The following ZFYVE26 variants were observed in gnomAD, a reference collection of about 807,000 sequenced individuals.
ZFYVE26 encodes the protein zinc finger FYVE-type containing 26.
A neutral mutation model predicts 276.5 loss-of-function variants in ZFYVE26; 181 were observed. That is an observed-to-expected ratio of 0.65 (90% CI 0.58 to 0.74). The LOEUF (loss-of-function observed/expected upper bound fraction) is 0.74, where lower values mean the gene tolerates loss of function less well. Ranked by LOEUF, ZFYVE26 falls within the 30% of genes least tolerant of loss-of-function variation. The pLI is 0.00. For missense variants in ZFYVE26, 2,821 were observed against 3,097.9 expected, an observed-to-expected ratio of 0.91 and a Z score of 2.12; for synonymous variants, 1,129 against 1,203.1, an observed-to-expected ratio of 0.94 and a Z score of 1.27.
rs1395423777 is a variant in ZFYVE26 at position 67,752,371 on chromosome 14, C to T, written c.7344G>A (p.Leu2448=). The part of the protein sequence containing the change: ...SDGDTILLNC[L]EAFKRIPPQE... ...GGGGCGGAATTCTCTTGAACGCTTC[C>T]AGGCAGTTGAGGAGGATGGTGTCCC... is the stretch of plus-strand genomic sequence containing the variant. Residue 2448 remains leucine (L), a synonymous_variant, in exon 40 of 42, where the codon CTG becomes CTA. Coordinates refer to ENST00000347230, the MANE Select transcript of ZFYVE26 (RefSeq NM_015346.4). 2 of 1,612,156 alleles carry T rather than the reference C, an allele frequency of 1.2e-6. No individual in the cohort carries two copies. The highest frequency in any genetic ancestry group is 1.7e-6 in the Non-Finnish European group (2 of 1,179,220).
intron 27 of ZFYVE26, among the ~76,000 whole-genome samples, chr14:67,773,134 T>C (rs534041630): frequency 1.5e-3 from 236 of 152,326 alleles, no homozygotes; most frequent in African/African-American, 5.5e-3. Context: ...ATTATGAATT[T>C]GTTTCTAGAT....
intron 3 of ZFYVE26, among the ~76,000 whole-genome samples, chr14:67,809,557 G>A (rs1355131329): frequency 1.3e-5 from 2 of 151,184 alleles, no homozygotes. Context: ...CGAGTAGCTG[G>A]GATTACAGGT....
chr14:67,731,868 T>C (rs1264950589), intron 13 of ZFYVE26, among the ~76,000 whole-genome samples: 1 of 152,026 alleles, frequency 6.6e-6, no homozygotes, highest in Non-Finnish European at 1.5e-5. Flanking sequence ...GGCTCATGCA[T>C]GTAATCCCAG....
chr14:67,754,907 G>A, intron 37 of ZFYVE26, 144 bp downstream of exon 37: 1 of 944,750 alleles, frequency 1.1e-6, no homozygotes, highest in Non-Finnish European at 1.7e-6. Context: ...TTCTAGGCTT[G>A]TACTACACAC....
chr14:67,795,982 T>C (rs190277427), intron 12 of ZFYVE26, among the ~76,000 whole-genome samples: 151 of 152,212 alleles, frequency 9.9e-4, no homozygotes, highest in African/African-American at 3.5e-3. Context: ...ATTAAATATA[T>C]TGGTGAAGGT....
At position 67,767,758 on chromosome 14, in the gene ZFYVE26, C is replaced by G. The variant is rs760296660; in HGVS notation, c.5736G>C (p.Leu1912Phe). Residue 1912 changes from leucine to phenylalanine, a missense_variant, in exon 31 of 42, where the codon TTG becomes TTC. Leu to Phe is a conservative substitution (Grantham distance 22). Transcript: ENST00000347230. ...GCTCATTTTCCTCCTCTTTGAGATC[C>G]AAAATCCATTCCACCTCATCTGCTT... ...VPKADEVEWILDLKEEENELV... is the reference protein window; with the variant it reads ...VPKADEVEWIFDLKEEENELV... 6.2e-7 allele frequency: 1 copy of G among 1,614,150 alleles called. No individual in the cohort carries two copies. The highest frequency in any genetic ancestry group is 8.5e-7 in the Non-Finnish European group (1 of 1,180,042).
chr14:67,811,867 T>A (rs577052619), intron 3 of ZFYVE26, among the ~76,000 whole-genome samples: 21 of 148,368 alleles, frequency 1.4e-4, no homozygotes, highest in African/African-American at 4.9e-4. Flanking sequence ...ATATATGAAA[T>A]TTATGATATA....
At chr14:67,811,906 CAT>C (rs906131122) in intron 3 of ZFYVE26, among the ~76,000 whole-genome samples, 8 of 147,088 alleles carry the variant, frequency 5.4e-5, no homozygotes, top group African/African-American at 2.0e-4. Context: ...TGATATATAA[CAT>C]GTATTATATA....
At chr14:67,795,601 GT>G (rs940909575) in intron 12 of ZFYVE26, among the ~76,000 whole-genome samples, 11 of 152,098 alleles carry the variant, frequency 7.2e-5, no homozygotes, top group Admixed American at 7.2e-4. Flanking sequence ...ACCTAGTATT[GT>G]TTAGCCCATG....
chr14:67,775,952 A>G lies in ZFYVE26; in HGVS notation c.5129T>C (p.Ile1710Thr). ...GTCCACCTCGTCCATAGTGAAGCCA[A>G]TCTCCTGTCCAACCAGCAGCTGCTG... The part of the protein sequence containing the change: ...TLQQLLVGQE[I>T]GFTMDEVDSL... The change falls in exon 26 of 42, where the codon ATT becomes ACT. Residue 1710 changes from isoleucine to threonine, a missense_variant. Transcript: ENST00000347230. The G allele has an allele frequency of 6.2e-7, 1 of 1,614,204 alleles. No homozygotes were observed. The highest frequency in any genetic ancestry group is 8.5e-7 in the Non-Finnish European group (1 of 1,180,034).
chr14:67,762,582 TGA>T, intron 33 of ZFYVE26, 88 bp downstream of exon 33: 1 of 1,598,560 alleles, frequency 6.3e-7, no homozygotes, highest in Non-Finnish European at 8.5e-7. Context: ...GCAGGACAAC[TGA>T]GAGACGGCAA....
In ZFYVE26 at chr14:67,783,263, G is replaced by A. The variant is rs958811871; in HGVS notation, c.3889C>T (p.Leu1297Phe). The change falls in exon 21 of 42, where the codon CTC (leucine) becomes TTC (phenylalanine). Residue 1297 changes from leucine (L) to phenylalanine (F), a missense_variant. Transcript: ENST00000347230. ...KPYSSPRDSS[L>F]PALTSSALAF... ...AAGGCAGAGGAGGTGAGGGCTGGGA[G>A]TGATGAGTCCCTTGGGGAGGAGTAG... 2 of 1,614,040 alleles carry A rather than the reference G, an allele frequency of 1.2e-6. No homozygotes were observed. The highest frequency in any genetic ancestry group is 1.3e-5 in the African/African-American group (1 of 75,072).
At chr14:67,754,875 A>C (rs1275649950) in intron 37 of ZFYVE26, among the ~76,000 whole-genome samples, 176 bp downstream of exon 37, 2 of 152,180 alleles carry the variant, frequency 1.3e-5, no homozygotes, top group Non-Finnish European at 2.9e-5. Flanking sequence ...TCCCACTCCC[A>C]CTACCAGCTC....
intron 2 of ZFYVE26, among the ~76,000 whole-genome samples, chr14:67,814,896 TA>T (rs1400318334): frequency 6.6e-6 from 1 of 152,180 alleles, no homozygotes; most frequent in African/African-American, 2.4e-5. Flanking sequence ...ATACAATATG[TA>T]AACAGTATAG....
intron 36 of ZFYVE26, 108 bp from the exon 37 acceptor site, chr14:67,755,358 A>G: frequency 3.2e-6 from 4 of 1,235,924 alleles, no homozygotes; most frequent in Non-Finnish European, 4.6e-6. Flanking sequence ...TGTTTCCAGC[A>G]CCCACTCCCA....
Position 67,768,544 on chromosome 14 carries a change from G to A in ZFYVE26, c.5626C>T (p.Pro1876Ser). 1 of 1,614,106 alleles carries A rather than the reference G, an allele frequency of 6.2e-7. No homozygotes were observed. Among genetic ancestry groups the A allele is most frequent in the South Asian group, 1.1e-5 (1 of 91,078 alleles). ...TCTGGTTTTTCTGAAGGCTCCTCTG[G>A]TACACTGAAAACAGAGAAAGAAAAA... ...QCYSYCNKDV[P>S]EEPSEKPEAL... The change falls in exon 30 of 42, where the codon CCA (proline) becomes TCA (serine). Residue 1876 changes from proline (P) to serine (S), a missense_variant. Transcript: ENST00000347230.
At chr14:67,756,235 C>A in intron 35 of ZFYVE26, 90 bp from the exon 36 acceptor site, 1 of 1,276,312 alleles carries the variant, frequency 7.8e-7, no homozygotes, top group African/African-American at 1.5e-5. Flanking sequence ...TATTGATGAA[C>A]CTTCAGCATC....
chr14:67,805,085 A>C (rs1026584919), intron 8 of ZFYVE26, 132 bp downstream of exon 8: 39 of 838,434 alleles, frequency 4.7e-5, no homozygotes, highest in Non-Finnish European at 7.3e-5. Context: ...TTGTTGGAAC[A>C]ATTTTTAGTA....
Position 67,790,648 on chromosome 14 carries a change from A to T in ZFYVE26, c.2679T>A (p.Asp893Glu). 1 of 1,614,174 alleles carries T rather than the reference A, an allele frequency of 6.2e-7. No individual in the cohort carries two copies. The highest frequency in any genetic ancestry group is 8.5e-7 in the Non-Finnish European group (1 of 1,180,014). The change falls in exon 15 of 42, where the codon GAT becomes GAA. Residue 893 changes from aspartate to glutamate, a missense_variant. Asp to Glu is a conservative substitution (Grantham distance 45). Coordinates refer to ENST00000347230, the MANE Select transcript of ZFYVE26 (RefSeq NM_015346.4). ...VEHKIENQNS[D>E]AGSSTIRRTG... ...TTCTCCGAATGGTGCTGCTACCCGC[A>T]TCTGAGTTCTGGTTTTCAATCTTGT...
Sources: gnomAD v4.1 joint callset for allele counts (sites outside exome capture counted in the v4.1 genomes callset) on GRCh38, gnomAD v4.1.1 for gene constraint, MANE v1.5 for transcripts, NCBI Gene and HGNC (gene_info 2026-07-23, HGNC 2026-07-21) for gene names.